Variants in TAFA5 observed in about 807,000 individuals in gnomAD.
The protein encoded by TAFA5 is chemokine-like protein TAFA-5.
In TAFA5, 6 loss-of-function variants were observed where a neutral mutation model predicts 15.3. The observed-to-expected ratio is 0.39, with a 90% CI of 0.21 to 0.77. The LOEUF is 0.77. TAFA5 is among the 30% of genes least tolerant of loss of function. The pLI, the probability that TAFA5 is intolerant of heterozygous loss-of-function variation, is 0.41. For missense variants in TAFA5, 161 were observed against 193.1 expected, an observed-to-expected ratio of 0.83 and a Z score of 0.98; for synonymous variants, 103 against 80.7, an observed-to-expected ratio of 1.28 and a Z score of -1.48.
At chr22:48,613,692 T>C (rs1925494268) in intron 1 of TAFA5, among the ~76,000 whole-genome samples, 1 of 152,226 alleles carries the variant, frequency 6.6e-6, no homozygotes, top group South Asian at 2.1e-4. Context: ...CTCCACCTGC[T>C]CTGGCCTTTC....
intron 3 of TAFA5, among the ~76,000 whole-genome samples, chr22:48,718,027 C>G (rs995170317): frequency 4.6e-5 from 7 of 152,196 alleles, no homozygotes; most frequent in African/African-American, 1.7e-4. Flanking sequence ...GCTGCCTTCA[C>G]GAGCCCAGGT....
chr22:48,679,745 C>T (rs1413951219), intron 2 of TAFA5, among the ~76,000 whole-genome samples: 27 of 74,940 alleles, frequency 3.6e-4, no homozygotes, highest in Admixed American at 6.6e-4. Context: ...CCTCTCCTGG[C>T]TCCCCAGCTC....
chr22:48,653,923 G>T (rs1927144101), intron 2 of TAFA5, among the ~76,000 whole-genome samples: 1 of 152,132 alleles, frequency 6.6e-6, no homozygotes, highest in Non-Finnish European at 1.5e-5. Context: ...GTGCTGTGGG[G>T]AGTCTCAGGT....
chr22:48,527,141 A>G (rs879635015), intron 1 of TAFA5, among the ~76,000 whole-genome samples: 5 of 152,222 alleles, frequency 3.3e-5, no homozygotes, highest in Admixed American at 2.0e-4. Context: ...CCCTGGGCCA[A>G]TTGACCAGGC....
At chr22:48,717,149 C>A (rs1213668960) in intron 3 of TAFA5, among the ~76,000 whole-genome samples, 2 of 152,230 alleles carry the variant, frequency 1.3e-5, no homozygotes, top group Non-Finnish European at 2.9e-5. Context: ...TGAAAAACAT[C>A]CCCAAAACTC....
chr22:48,542,425 A>ATG (rs1468259784), intron 1 of TAFA5, among the ~76,000 whole-genome samples: 1 of 48,848 alleles, frequency 2.0e-5, no homozygotes, highest in Non-Finnish European at 3.7e-5. Flanking sequence ...TGTGGTGTGT[A>ATG]TGTGTGTGGT....
chr22:48,731,964 G>C (rs750865400), intron 3 of TAFA5, among the ~76,000 whole-genome samples: 2 of 152,198 alleles, frequency 1.3e-5, no homozygotes, highest in Non-Finnish European at 2.9e-5. Context: ...TTGTGGAGAG[G>C]ATTCACCATT....
chr22:48,625,253 C>T (rs1415933640), intron 1 of TAFA5, among the ~76,000 whole-genome samples: 1 of 152,118 alleles, frequency 6.6e-6, no homozygotes, highest in Non-Finnish European at 1.5e-5. Context: ...TGTGTATGAC[C>T]CACCAGTCTA....
chr22:48,711,320 T>C (rs1371720142), intron 3 of TAFA5, among the ~76,000 whole-genome samples: 1 of 151,978 alleles, frequency 6.6e-6, no homozygotes, highest in South Asian at 2.1e-4. Flanking sequence ...TGCCTCATGT[T>C]GCTATGGCGG....
chr22:48,509,984 A>T (rs911162957), intron 1 of TAFA5, among the ~76,000 whole-genome samples: 1 of 151,756 alleles, frequency 6.6e-6, no homozygotes, highest in Admixed American at 6.6e-5. Flanking sequence ...AAAAGAAAAA[A>T]GAAAAAAAGA....
chr22:48,678,862 C>G (rs1196904884), intron 2 of TAFA5, among the ~76,000 whole-genome samples: 4 of 147,174 alleles, frequency 2.7e-5, no homozygotes, highest in Non-Finnish European at 1.5e-5. Flanking sequence ...TCTCTGAGTT[C>G]CGGTGCCAGG....
chr22:48,704,493 G>T (rs1929017887), intron 2 of TAFA5, among the ~76,000 whole-genome samples: 1 of 152,168 alleles, frequency 6.6e-6, no homozygotes, highest in Admixed American at 6.5e-5. Context: ...CCCACTCATG[G>T]CGCCATCCCC....
chr22:48,742,700 G>A lies in TAFA5; in HGVS notation c.391-7139G>A, dbSNP rs965476106. The stretch of plus-strand genomic sequence containing the variant: ...CGGGCAGTGTGATGGACCAGGCGAC[G>A]TGGTGGGCCGGGTGGTGTGGTGAAG... On this transcript the variant is annotated intron_variant, in intron 3 of 3. Transcript: ENST00000402357. This position sits in a 1 kb window ranked among gnomAD's most constrained non-coding sequence, Gnocchi z 6.2. 2.0e-5 allele frequency among the ~76,000 whole-genome samples: 3 copies of A among 152,110 alleles called. No individual in the cohort carries two copies. The highest frequency in any genetic ancestry group is 4.8e-5 in the African/African-American group (2 of 41,404).
At chr22:48,747,344 A>C (rs551188256) in intron 3 of TAFA5, among the ~76,000 whole-genome samples, 1 of 152,340 alleles carries the variant, frequency 6.6e-6, no homozygotes, top group East Asian at 1.9e-4. Flanking sequence ...CTTGGGGTGC[A>C]GGAAGCGTTG....
intron 1 of TAFA5, among the ~76,000 whole-genome samples, chr22:48,611,080 C>T (rs1448439441): frequency 1.3e-5 from 2 of 152,044 alleles, no homozygotes; most frequent in African/African-American, 2.4e-5. Flanking sequence ...ATTACAGGTG[C>T]GAATCACCAC....
At chr22:48,672,254 T>G (rs976457756) in intron 2 of TAFA5, among the ~76,000 whole-genome samples, 2 of 152,268 alleles carry the variant, frequency 1.3e-5, no homozygotes, top group African/African-American at 2.4e-5. Flanking sequence ...ATCATACTTC[T>G]GCTGCTTGCA....
chr22:48,647,973 G>A (rs1926924773), intron 2 of TAFA5, among the ~76,000 whole-genome samples: 1 of 152,214 alleles, frequency 6.6e-6, no homozygotes, highest in Non-Finnish European at 1.5e-5. Flanking sequence ...CGGCCCGGTA[G>A]GGGCAGAGGC....
chr22:48,603,109 A>G (rs1048172195), intron 1 of TAFA5, among the ~76,000 whole-genome samples: 1 of 152,160 alleles, frequency 6.6e-6, no homozygotes, highest in Admixed American at 6.5e-5. Flanking sequence ...AGCCCAGGCC[A>G]GGCCCCCCAC....
At chr22:48,536,086 G>A (rs140455952) in intron 1 of TAFA5, among the ~76,000 whole-genome samples, 2 of 152,230 alleles carry the variant, frequency 1.3e-5, no homozygotes, top group South Asian at 2.1e-4. Flanking sequence ...CGCATGCAGC[G>A]AGTTCCCGCA....
Sources: allele counts gnomAD v4.1 joint callset (sites outside exome capture counted in the v4.1 genomes callset), GRCh38; gene constraint gnomAD v4.1.1; non-coding constraint Gnocchi (gnomAD v3.1); transcripts MANE v1.5; gene names NCBI Gene and HGNC (gene_info 2026-07-23, HGNC 2026-07-21).